The following C4orf17 variants were observed in gnomAD, a reference collection of about 807,000 sequenced individuals.
The protein encoded by C4orf17 is uncharacterized protein C4orf17.
Under a neutral mutation model 32.0 loss-of-function variants are expected in C4orf17, and 25 were observed. The observed-to-expected ratio is 0.78, with a 90% CI of 0.57 to 1.09. The LOEUF is 1.09. Among genes scored for constraint, C4orf17 ranks in the 50% least tolerant of loss-of-function variants. The pLI is 0.00. For synonymous variants in C4orf17, 149 were observed against 145.8 expected (o/e 1.02, Z -0.16); for missense variants, 420 against 420.0 (o/e 1.00, Z 0.00).
chr4:99,520,857 C>A (rs181763787), intron 2 of C4orf17, among the ~76,000 whole-genome samples: 1 of 152,198 alleles, frequency 6.6e-6, no homozygotes, highest in Admixed American at 6.5e-5. Context: ...CAAATTCTTA[C>A]TAAGCTGTAA....
intron 2 of C4orf17, among the ~76,000 whole-genome samples, chr4:99,514,567 C>T (rs183582841): frequency 6.6e-6 from 1 of 152,158 alleles, no homozygotes; most frequent in African/African-American, 2.4e-5. Context: ...TCACCTTACT[C>T]CTGTAAGAAC....
intron 1 of C4orf17, 130 bp from the exon 2 acceptor site, chr4:99,512,859 A>G (rs1723116526): frequency 2.0e-6 from 1 of 487,860 alleles, no homozygotes; most frequent in Admixed American, 3.3e-5. Context: ...TTGGTCTGAA[A>G]ACAAAATAGC....
Position 99,541,994 on chromosome 4 carries a change from C to T in C4orf17, c.965C>T (p.Pro322Leu). The change falls in exon 9 of 9, where the codon CCT (proline) becomes CTT (leucine). Residue 322 changes from proline to leucine, a missense_variant. By Grantham distance (98) the Pro-to-Leu change is moderately conservative. Coordinates refer to ENST00000326581, the MANE Select transcript of C4orf17 (RefSeq NM_032149.3). The stretch of plus-strand genomic sequence containing the variant: ...GAATATTTCAGCAAACCAAATTCTC[C>T]TCCCAGGCCTAACACTCAGGAGAGT... ...VAEYFSKPNS[P>L]PRPNTQESGS... The T allele has an allele frequency of 1.2e-6, 2 of 1,613,910 alleles. No individual in the cohort carries two copies. Among genetic ancestry groups the T allele is most frequent in the Non-Finnish European group, 1.7e-6 (2 of 1,179,904 alleles).
chr4:99,524,484 T>A (rs773469225), intron 3 of C4orf17, 37 bp from the exon 4 acceptor site: 2 of 1,287,728 alleles, frequency 1.6e-6, no homozygotes, highest in South Asian at 2.5e-5. Flanking sequence ...TCTTTTTCAG[T>A]TTAATCTAAA....
Position 99,513,222 on chromosome 4 carries a change from AG to A in C4orf17, c.127+16del. 6.2e-7 allele frequency: 1 copy of A among 1,613,582 alleles called. No individual in the cohort carries two copies. Among genetic ancestry groups the A allele is most frequent in the East Asian group, 2.2e-5 (1 of 44,870 alleles). On this transcript the variant is annotated intron_variant, in intron 2 of 8. Transcript: ENST00000326581. The stretch of plus-strand genomic sequence containing the variant: ...GCCACATCAAAGGTAAGGTGACTTA[AG>A]GTCCTAGTATGTGTCTCTATTCTCT...
rs549201207 is a variant in C4orf17 at position 99,539,263 on chromosome 4, T to TG, written c.732dup (p.Lys245GlufsTer6). ...CCTCAATGGAACCAGCAGCAGAGAC[T>TG]GGGAAGCCACCCACAGTTAAATCAC... On this transcript the variant is annotated frameshift_variant, in exon 7 of 9. Transcript: ENST00000326581. LOFTEE classifies it high-confidence loss of function. The TG allele has an allele frequency of 4.0e-4, 650 of 1,614,134 alleles. 6 individuals are homozygous for TG. In the African/African-American group the frequency reaches 8.0e-3, roughly 20 times the overall value.
chr4:99,530,397 G>T (rs759981284), intron 5 of C4orf17, among the ~76,000 whole-genome samples: 1 of 151,920 alleles, frequency 6.6e-6, no homozygotes, highest in Non-Finnish European at 1.5e-5. Flanking sequence ...TCTGTCTGGG[G>T]TTATAAACTT....
chr4:99,538,590 C>T (rs901331032), intron 6 of C4orf17, among the ~76,000 whole-genome samples: 5 of 152,104 alleles, frequency 3.3e-5, no homozygotes, highest in Non-Finnish European at 7.4e-5. Context: ...TCTTTAGTTA[C>T]CTTCCAATTA....
At chr4:99,522,821 C>T in intron 3 of C4orf17, 112 bp downstream of exon 3, 1 of 775,126 alleles carries the variant, frequency 1.3e-6, no homozygotes, top group Non-Finnish European at 2.1e-6. Flanking sequence ...CAAGTTTCCT[C>T]ACTGTGAGGA....
At chr4:99,535,491 T>G (rs1418592705) in intron 5 of C4orf17, among the ~76,000 whole-genome samples, 1 of 152,174 alleles carries the variant, frequency 6.6e-6, no homozygotes, top group Non-Finnish European at 1.5e-5. Context: ...AAAGATATGC[T>G]TCAAGCTCTG....
intron 4 of C4orf17, among the ~76,000 whole-genome samples, chr4:99,529,386 G>C (rs1723440547): frequency 6.6e-6 from 1 of 152,194 alleles, no homozygotes; most frequent in Admixed American, 6.5e-5. Flanking sequence ...GCTGTTAGCT[G>C]TTACTTGCAG....
At chr4:99,537,266 C>T (rs1336271775) in intron 5 of C4orf17, among the ~76,000 whole-genome samples, 1 of 152,118 alleles carries the variant, frequency 6.6e-6, no homozygotes, top group East Asian at 1.9e-4. Flanking sequence ...CAGGGCAAGC[C>T]GCAGTGACAA....
In C4orf17 at chr4:99,524,291, C is replaced by T. The variant is rs370556564; in HGVS notation, c.338-230C>T. 6.6e-5 allele frequency among the ~76,000 whole-genome samples: 10 copies of T among 152,106 alleles called. No homozygotes were observed. In the East Asian group the frequency reaches 9.6e-4, roughly 15 times the overall value. On this transcript the variant is annotated intron_variant, in intron 3 of 8. Transcript: ENST00000326581. ...TTAACCAGATCAAGAAAGCATTTGC[C>T]GTGTGTTTTTATATCATCATCTTGG...
intron 1 of C4orf17, 74 bp downstream of exon 1, chr4:99,511,346 C>A (rs979186719): frequency 6.6e-6 from 1 of 151,654 alleles, no homozygotes; most frequent in Non-Finnish European, 1.5e-5. Context: ...TCCTCAAGTT[C>A]ATTCTTTTTT....
At chr4:99,540,316 T>G in intron 7 of C4orf17, 96 bp from the exon 8 acceptor site, 4 of 772,046 alleles carry the variant, frequency 5.2e-6, no homozygotes, top group Non-Finnish European at 8.7e-6. Context: ...ATATTTAAGA[T>G]ACATATACAC....
chr4:99,538,090 T>C (rs1358295389), intron 6 of C4orf17, among the ~76,000 whole-genome samples: 1 of 152,206 alleles, frequency 6.6e-6, no homozygotes, highest in East Asian at 1.9e-4. Flanking sequence ...CTCTGGCCTG[T>C]TGTTAACTCT....
chr4:99,537,538 C>T, intron 5 of C4orf17, 131 bp from the exon 6 acceptor site: 1 of 663,018 alleles, frequency 1.5e-6, no homozygotes, highest in Admixed American at 2.5e-5. Context: ...AGTTAAAAAT[C>T]CCAATTAACT....
intron 2 of C4orf17, among the ~76,000 whole-genome samples, chr4:99,518,731 C>T (rs1732016219): frequency 6.7e-6 from 1 of 149,788 alleles, no homozygotes; most frequent in South Asian, 2.1e-4. Flanking sequence ...CTCCCTCCCC[C>T]ATTATGCATA....
Position 99,540,433 on chromosome 4 carries a change from A to C in C4orf17, c.858A>C (p.Glu286Asp). 6.2e-7 allele frequency: 1 copy of C among 1,612,026 alleles called. No individual in the cohort carries two copies. The highest frequency in any genetic ancestry group is 8.5e-7 in the Non-Finnish European group (1 of 1,178,550). Residue 286 changes from glutamate (E) to aspartate (D), a missense_variant, in exon 8 of 9, where the codon GAA becomes GAC. Coordinates refer to ENST00000326581, the MANE Select transcript of C4orf17 (RefSeq NM_032149.3). ...QPTRVSSQGS[E>D]ENKEVPKEAE... ...CTAGAGTGTCAAGTCAAGGATCTGA[A>C]GAAAACAAGGAAGTACCAAAAGGTT...
Sources: gnomAD v4.1 joint callset for allele counts (sites outside exome capture counted in the v4.1 genomes callset) on GRCh38, gnomAD v4.1.1 for gene constraint, MANE v1.5 for transcripts, NCBI Gene and HGNC (gene_info 2026-07-23, HGNC 2026-07-21) for gene names.